QNG1: variants seen among roughly 807,000 people sequenced by gnomAD.
The protein encoded by QNG1 is Q-nucleotide N-glycosylase 1, also known as queuosine 5'-phosphate N-glycosylase/hydrolase.
the QNG1 span, among the ~76,000 whole-genome samples, chr9:83,947,290 C>T: frequency 1.3e-5 from 2 of 151,846 alleles, no homozygotes; most frequent in Admixed American, 6.6e-5. Context: ...CAAATAAATA[C>T]GAGATTAAAA....
the QNG1 span, among the ~76,000 whole-genome samples, chr9:83,951,038 G>A: frequency 2.3e-4 from 35 of 152,108 alleles, no homozygotes; most frequent in African/African-American, 8.0e-4. Context: ...GAGGGAGGCC[G>A]AGGTGGGCAG....
the QNG1 span, among the ~76,000 whole-genome samples, chr9:83,944,019 T>TCAAACAAACAAACAAA: frequency 0.028 from 3,967 of 143,112 alleles, 128 homozygotes; most frequent in African/African-American, 0.077. Context: ...AGACTCCGTC[T>TCAAACAAACAAACAAA]CAAACAAACA....
At chr9:83,953,491 G>A in the QNG1 span, among the ~76,000 whole-genome samples, 50 of 150,572 alleles carry the variant, frequency 3.3e-4, no homozygotes, top group African/African-American at 1.2e-3. Context: ...GGGATTACAG[G>A]CACCCACCAC....
the QNG1 span, among the ~76,000 whole-genome samples, chr9:83,948,428 G>T: frequency 7.0e-6 from 1 of 143,124 alleles, no homozygotes; most frequent in South Asian, 2.2e-4. Context: ...GGAGGGAGGT[G>T]GGGGGCAGCC....
At chr9:83,956,021 T>C in the QNG1 span, 1 of 726,212 alleles carries the variant, frequency 1.4e-6, no homozygotes, top group Non-Finnish European at 2.3e-6. Context: ...ACTTCTATTT[T>C]AAGCATAAGG....
the QNG1 span, among the ~76,000 whole-genome samples, chr9:83,948,464 G>T: frequency 1.4e-5 from 2 of 139,882 alleles, no homozygotes; most frequent in Non-Finnish European, 3.2e-5. Flanking sequence ...CCGCCCCGTC[G>T]GGGAGGGAGG....
the QNG1 span, chr9:83,953,683 A>C: frequency 2.8e-6 from 2 of 708,840 alleles, no homozygotes; most frequent in Non-Finnish European, 4.7e-6. Context: ...TTTGAGATGG[A>C]GTCCAGCTCT....
the QNG1 span, among the ~76,000 whole-genome samples, chr9:83,939,993 C>T: frequency 2.0e-5 from 3 of 152,166 alleles, no homozygotes; most frequent in Non-Finnish European, 4.4e-5. Context: ...TAGCACCTTG[C>T]ACATACTAGC....
the QNG1 span, chr9:83,953,792 C>G: frequency 1.8e-5 from 28 of 1,547,916 alleles, 1 homozygote; most frequent in South Asian, 3.2e-4. Flanking sequence ...AAACAAAATC[C>G]GGGTGCAGCC....
At chr9:83,956,108 C>A in the QNG1 span, 3 of 1,571,962 alleles carry the variant, frequency 1.9e-6, no homozygotes, top group Admixed American at 1.7e-5. Flanking sequence ...TACACACACC[C>A]CAAGTAAATG....
chr9:83,939,822 A>G, the QNG1 span: 6 of 934,122 alleles, frequency 6.4e-6, no homozygotes, highest in Non-Finnish European at 5.2e-6. Flanking sequence ...AGAACAAAAC[A>G]GAGTATTTAA....
the QNG1 span, chr9:83,955,631 A>G: frequency 6.2e-7 from 1 of 1,611,450 alleles, no homozygotes; most frequent in Admixed American, 1.7e-5. Flanking sequence ...GGCACTAGTT[A>G]TTGGTATCCC....
At chr9:83,952,676 T>C in the QNG1 span, among the ~76,000 whole-genome samples, 1 of 150,866 alleles carries the variant, frequency 6.6e-6, no homozygotes, top group Admixed American at 6.7e-5. Flanking sequence ...GCACCTGTAG[T>C]CCCAGCTACG....
the QNG1 span, chr9:83,953,727 G>T: frequency 8.4e-7 from 1 of 1,190,110 alleles, no homozygotes; most frequent in Non-Finnish European, 1.2e-6. Context: ...GCGTAATCTC[G>T]GCTCACTGCA....
chr9:83,956,359 C>A, the QNG1 span: 1 of 1,610,162 alleles, frequency 6.2e-7, no homozygotes, highest in Non-Finnish European at 8.5e-7. Flanking sequence ...GCTTTCCACC[C>A]CTCCACGCGC....
chr9:83,951,318 T>G, the QNG1 span, among the ~76,000 whole-genome samples: 2 of 151,180 alleles, frequency 1.3e-5, no homozygotes, highest in African/African-American at 4.9e-5. Flanking sequence ...CCCAACACTT[T>G]GGGAGGCCAA....
the QNG1 span, among the ~76,000 whole-genome samples, chr9:83,947,846 G>C: frequency 1.3e-5 from 2 of 152,206 alleles, no homozygotes; most frequent in Non-Finnish European, 2.9e-5. Flanking sequence ...GTGCAGTAGC[G>C]TGATCTCGAC....
At chr9:83,939,509 G>A in the QNG1 span, 1 of 1,599,578 alleles carries the variant, frequency 6.3e-7, no homozygotes, top group East Asian at 2.2e-5. Context: ...TTACACTTGA[G>A]GTCAATAATA....
At chr9:83,939,399 GCAAT>G in the QNG1 span, 1 of 719,828 alleles carries the variant, frequency 1.4e-6, no homozygotes. Context: ...GTGAGAATGG[GCAAT>G]CAATTTCCTA....
Sources: gnomAD v4.1 joint callset for allele counts (sites outside exome capture counted in the v4.1 genomes callset) on GRCh38, gnomAD v4.1.1 for gene constraint, MANE v1.5 for transcripts, NCBI Gene and HGNC (gene_info 2026-07-23, HGNC 2026-07-21) for gene names.